Variants in ST6GALNAC3 observed in about 807,000 individuals in gnomAD.
ST6GALNAC3 encodes alpha-N-acetylgalactosaminide alpha-2,6-sialyltransferase 3.
Under a neutral mutation model 32.7 loss-of-function variants are expected in ST6GALNAC3, and 25 were observed. The observed-to-expected ratio is 0.76, with a 90% CI of 0.56 to 1.07. The LOEUF is 1.07. Among genes scored for constraint, ST6GALNAC3 ranks in the 50% least tolerant of loss-of-function variants. The pLI, the probability that ST6GALNAC3 is intolerant of heterozygous loss-of-function variation, is 0.00. For missense variants in ST6GALNAC3, 355 were observed against 382.4 expected (o/e 0.93, Z 0.60); for synonymous variants, 129 against 133.1 (o/e 0.97, Z 0.21).
At chr1:76,352,410 G>A (rs1194988615) in intron 2 of ST6GALNAC3, among the ~76,000 whole-genome samples, 1 of 148,188 alleles carries the variant, frequency 6.7e-6, no homozygotes, top group Non-Finnish European at 1.5e-5. Context: ...AGGATTAAAT[G>A]AAATAAGATA....
At chr1:76,211,674 C>G (rs1193077443) in intron 1 of ST6GALNAC3, among the ~76,000 whole-genome samples, 1 of 152,192 alleles carries the variant, frequency 6.6e-6, no homozygotes, top group South Asian at 2.1e-4. Flanking sequence ...CCTCAGCAAA[C>G]TATCACAAGG....
intron 1 of ST6GALNAC3, among the ~76,000 whole-genome samples, chr1:76,167,905 A>T (rs1430340530): frequency 1.3e-5 from 2 of 151,456 alleles, no homozygotes; most frequent in African/African-American, 4.8e-5. Flanking sequence ...AGCTAGTGGT[A>T]TGTCTGTTTT....
chr1:76,095,767 G>A (rs1480328046), intron 1 of ST6GALNAC3, among the ~76,000 whole-genome samples: 1 of 152,066 alleles, frequency 6.6e-6, no homozygotes, highest in South Asian at 2.1e-4. Flanking sequence ...TGTGGGAGGG[G>A]TTTATACACT....
intron 3 of ST6GALNAC3, among the ~76,000 whole-genome samples, chr1:76,427,138 C>CT (rs1655448710): frequency 6.6e-6 from 1 of 151,994 alleles, no homozygotes; most frequent in Admixed American, 6.6e-5. Flanking sequence ...GAAGTGAGCA[C>CT]AACACACTTA....
At chr1:76,412,538 T>C in intron 3 of ST6GALNAC3, 121 bp downstream of exon 3, 1 of 1,092,556 alleles carries the variant, frequency 9.2e-7, no homozygotes, top group Non-Finnish European at 1.3e-6. Flanking sequence ...TTATATGTTT[T>C]GACTATTATG....
chr1:76,392,761 C>A (rs1207256308), intron 2 of ST6GALNAC3, among the ~76,000 whole-genome samples: 1 of 152,130 alleles, frequency 6.6e-6, no homozygotes, highest in Non-Finnish European at 1.5e-5. Flanking sequence ...AGTAAAAAAC[C>A]AGAGCAAGGG....
At chr1:76,403,394 C>T (rs1653576777) in intron 2 of ST6GALNAC3, among the ~76,000 whole-genome samples, 1 of 151,976 alleles carries the variant, frequency 6.6e-6, no homozygotes. Flanking sequence ...GATTTCCTAC[C>T]CCAGCATCTT....
At chr1:76,145,548 G>C (rs1048808897) in intron 1 of ST6GALNAC3, among the ~76,000 whole-genome samples, 2 of 152,046 alleles carry the variant, frequency 1.3e-5, no homozygotes, top group African/African-American at 4.8e-5. Context: ...AATACCTCTG[G>C]GCCAAAATAC....
intron 1 of ST6GALNAC3, among the ~76,000 whole-genome samples, chr1:76,103,268 T>C (rs894625803): frequency 6.6e-6 from 1 of 152,098 alleles, no homozygotes. Flanking sequence ...CAGGCATCAT[T>C]CATCTTGTCA....
rs539035294 is a variant in ST6GALNAC3 at position 76,475,776 on chromosome 1, G to A, written c.623+63359G>A. 4.6e-5 allele frequency among the ~76,000 whole-genome samples: 7 copies of A among 152,156 alleles called. No individual in the cohort carries two copies. In the South Asian group the frequency reaches 1.0e-3, roughly 23 times the overall value. On this transcript the variant is annotated intron_variant, in intron 3 of 4. Coordinates refer to ENST00000328299, the MANE Select transcript of ST6GALNAC3 (RefSeq NM_152996.4). ...GCAGACCTGCCACATAGGCATACAC[G>A]TGGCATGGTGGTTTGCTGCACCCAT...
chr1:76,156,096 A>G (rs1651397280), intron 1 of ST6GALNAC3, among the ~76,000 whole-genome samples: 1 of 112,232 alleles, frequency 8.9e-6, no homozygotes, highest in Admixed American at 1.1e-4. Flanking sequence ...CTCTTTTGGA[A>G]TTTGTCTAAG....
chr1:76,182,348 A>G (rs760272085), intron 1 of ST6GALNAC3, among the ~76,000 whole-genome samples: 1 of 152,206 alleles, frequency 6.6e-6, no homozygotes, highest in Non-Finnish European at 1.5e-5. Context: ...ATAAGTCTAG[A>G]CAATAGTCTT....
chr1:76,074,876 A>G lies in ST6GALNAC3; in HGVS notation c.10A>G (p.Ile4Val), dbSNP rs749681225. 19 of 1,595,824 alleles carry G rather than the reference A, an allele frequency of 1.2e-5. No homozygotes were observed. In the East Asian group the frequency reaches 4.1e-4, roughly 34 times the overall value. Residue 4 changes from isoleucine to valine, a missense_variant, in exon 1 of 5, where the codon ATC becomes GTC. Physicochemically the swap from Ile to Val is conservative, Grantham distance 29. Coordinates refer to ENST00000328299, the MANE Select transcript of ST6GALNAC3 (RefSeq NM_152996.4). MAC[I>V]LKRKSVIAVS... ...GGGCCGGCGGAGCGCCATGGCCTGC[A>G]TCCTGAAGGTAACGACTTGGATCTG...
intron 1 of ST6GALNAC3, among the ~76,000 whole-genome samples, chr1:76,167,708 G>A (rs1221885993): frequency 2.6e-5 from 4 of 152,152 alleles, no homozygotes; most frequent in African/African-American, 9.7e-5. Flanking sequence ...TCCTGGTTCA[G>A]TCTTGGGAGG....
intron 1 of ST6GALNAC3, among the ~76,000 whole-genome samples, chr1:76,195,126 C>T (rs181680978): frequency 9.3e-4 from 142 of 152,232 alleles, no homozygotes; most frequent in African/African-American, 3.1e-3. Context: ...TTACAAAATC[C>T]GAATTTTTGC....
chr1:76,573,040 C>T (rs1402196616), intron 3 of ST6GALNAC3, among the ~76,000 whole-genome samples: 3 of 151,942 alleles, frequency 2.0e-5, no homozygotes, highest in Non-Finnish European at 4.4e-5. Flanking sequence ...TCCTGGTGAT[C>T]GATGTGGTGA....
At chr1:76,547,730 T>C (rs939812306) in intron 3 of ST6GALNAC3, among the ~76,000 whole-genome samples, 1 of 152,048 alleles carries the variant, frequency 6.6e-6, no homozygotes, top group Non-Finnish European at 1.5e-5. Flanking sequence ...GGCAGGTGCC[T>C]GTACTCTCAG....
At chr1:76,279,802 G>A (rs748376804) in intron 1 of ST6GALNAC3, among the ~76,000 whole-genome samples, 2 of 152,170 alleles carry the variant, frequency 1.3e-5, no homozygotes, top group Non-Finnish European at 2.9e-5. Context: ...ATTCACAAAA[G>A]AAATATGAAG....
At chr1:76,106,077 A>G (rs1344157357) in intron 1 of ST6GALNAC3, among the ~76,000 whole-genome samples, 1 of 152,220 alleles carries the variant, frequency 6.6e-6, no homozygotes, top group Non-Finnish European at 1.5e-5. Flanking sequence ...TCTCTGTCAA[A>G]TGACAACAAG....
Sources: allele counts gnomAD v4.1 joint callset (sites outside exome capture counted in the v4.1 genomes callset), GRCh38; gene constraint gnomAD v4.1.1; transcripts MANE v1.5; gene names NCBI Gene and HGNC (gene_info 2026-07-23, HGNC 2026-07-21).